SLC22A14: variants seen among roughly 807,000 people sequenced by gnomAD.
The protein encoded by SLC22A14 is organic cation transporter-like 4.
A neutral mutation model predicts 53.9 loss-of-function variants in SLC22A14; 50 were observed. The ratio of observed to expected loss-of-function variants is 0.93; its 90% CI spans 0.74 to 1.17. SLC22A14 has a LOEUF of 1.17. Among genes scored for constraint, SLC22A14 ranks in the 50% most tolerant of loss-of-function variants. SLC22A14 has a pLI of 0.00. For synonymous variants in SLC22A14, 312 were observed against 303.0 expected, an observed-to-expected ratio of 1.03 and a Z score of -0.31; for missense variants, 671 against 734.7, an observed-to-expected ratio of 0.91 and a Z score of 1.00.
At chr3:38,289,104 C>T (rs999848565) in intron 1 of SLC22A14, among the ~76,000 whole-genome samples, 10 of 137,352 alleles carry the variant, frequency 7.3e-5, no homozygotes, top group African/African-American at 1.9e-4. Context: ...CACCTAAGCC[C>T]GGGAGTTCAG....
Position 38,307,220 on chromosome 3 carries a change from G to C in SLC22A14, c.517-34G>C. Reference sequence around the variant, plus strand: ...TCTCAGTCTCTGGACCCAAAGGTGGGCACCCGTGGCCAATCTCTGTGTCTG... The same window carrying C: ...TCTCAGTCTCTGGACCCAAAGGTGGCCACCCGTGGCCAATCTCTGTGTCTG... On this transcript the variant is annotated intron_variant, in intron 2 of 10. Coordinates refer to ENST00000448498, the MANE Select transcript of SLC22A14 (RefSeq NM_001320033.2). The surrounding 1 kb of genome is among the most constrained non-coding windows in gnomAD (Gnocchi z 4.4). 6.7e-7 allele frequency: 1 copy of C among 1,483,528 alleles called. No individual in the cohort carries two copies. Among genetic ancestry groups the C allele is most frequent in the Non-Finnish European group, 9.4e-7 (1 of 1,060,868 alleles). The allele number at this position is 1,483,528 out of a possible 1,614,324, so 91.9% of individuals were successfully genotyped here.
At position 38,313,587 on chromosome 3, in the gene SLC22A14, A is replaced by G. The variant is rs1704534176; in HGVS notation, c.1163+102A>G. On this transcript the variant is annotated intron_variant, in intron 7 of 10. Coordinates refer to ENST00000448498, the MANE Select transcript of SLC22A14 (RefSeq NM_001320033.2). ...GTCAGGCTGCAGGGGAGGCAGCCCA[A>G]GGACACAGATCACAGGTCTCTGTGC... 7.1e-6 allele frequency: 7 copies of G among 992,192 alleles called. No homozygotes were observed. In the African/African-American group the frequency reaches 8.0e-5, roughly 11 times the overall value. 61.5% of individuals were successfully genotyped at this position (992,192 alleles called of 1,614,324 possible). A position where few individuals can be genotyped will look rare whatever the true frequency, so the allele number is the denominator to read the frequency against.
chr3:38,298,227 T>G lies in SLC22A14; in HGVS notation c.1-7800T>G, dbSNP rs117482607. ...CCATCATTTTAGGGTGCTTTCTTGC[T>G]TTCTGGCACCACAAGATATTTTATA... On this transcript the variant is annotated intron_variant, in intron 1 of 10. Coordinates refer to ENST00000448498, the MANE Select transcript of SLC22A14 (RefSeq NM_001320033.2). Among the ~76,000 whole-genome samples, 141 of 152,280 alleles carry G rather than the reference T, an allele frequency of 9.3e-4. No individual in the cohort carries two copies. In the East Asian group the frequency reaches 0.022, roughly 24 times the overall value.
chr3:38,282,691 G>A (rs1388002128), intron 1 of SLC22A14, among the ~76,000 whole-genome samples: 1 of 152,164 alleles, frequency 6.6e-6, no homozygotes, highest in South Asian at 2.1e-4. Flanking sequence ...TAGAGGGAGT[G>A]AGTGCTCCAG....
chr3:38,279,750 T>C (rs1703626478), upstream of SLC22A14, among the ~76,000 whole-genome samples: 3 of 152,262 alleles, frequency 2.0e-5, 1 homozygote, highest in South Asian at 6.2e-4. Flanking sequence ...TCTGGGACTC[T>C]GAAGGAGAAG....
intron 1 of SLC22A14, among the ~76,000 whole-genome samples, chr3:38,294,823 G>A (rs539379388): frequency 6.6e-6 from 1 of 152,192 alleles, no homozygotes; most frequent in East Asian, 1.9e-4. Context: ...GCTCAGGGGT[G>A]AGTCCTAGAG....
chr3:38,299,391 A>AT (rs899350853), intron 1 of SLC22A14, among the ~76,000 whole-genome samples: 2 of 151,910 alleles, frequency 1.3e-5, no homozygotes, highest in Admixed American at 1.3e-4. Flanking sequence ...ATCCTCCTGT[A>AT]TTTTTTTCAC....
chr3:38,281,046 G>C (rs1007047512), upstream of SLC22A14, among the ~76,000 whole-genome samples: 5 of 152,178 alleles, frequency 3.3e-5, no homozygotes, highest in Non-Finnish European at 7.3e-5. Flanking sequence ...TGGTCCCTTT[G>C]ACCCCCAGAG....
At chr3:38,313,248 A>G (rs1704522915) in intron 6 of SLC22A14, 129 bp downstream of exon 6, 1 of 1,454,188 alleles carries the variant, frequency 6.9e-7, no homozygotes, top group Non-Finnish European at 9.6e-7. Flanking sequence ...GACAATGGTG[A>G]CAGCAAAATT....
At chr3:38,284,678 A>C (rs1036005113) in intron 1 of SLC22A14, among the ~76,000 whole-genome samples, 1 of 152,132 alleles carries the variant, frequency 6.6e-6, no homozygotes, top group Non-Finnish European at 1.5e-5. Context: ...GAGCGTAGGA[A>C]ATGTGAGAAT....
chr3:38,306,006 C>T, intron 1 of SLC22A14, 21 bp from the exon 2 acceptor site: 1 of 1,593,062 alleles, frequency 6.3e-7, no homozygotes, highest in Non-Finnish European at 8.6e-7. Context: ...AGAGACTGAG[C>T]TGCACCCTTT....
At position 38,318,522 on chromosome 3, in the gene SLC22A14, T is replaced by C; in HGVS notation, c.*273T>C. The C allele has an allele frequency of 2.4e-6, 1 of 418,112 alleles. No homozygotes were observed. The highest frequency in any genetic ancestry group is 3.9e-5 in the South Asian group (1 of 25,422). The allele number at this position is 418,112 out of a possible 1,614,324, so 25.9% of individuals were successfully genotyped here. ...GACATTAAAAAAAATGCCCCCTCCT[T>C]CTGCAGGAGCTCTGCTGTGATTCAT... On this transcript the variant is annotated 3_prime_UTR_variant, in exon 11 of 11. Coordinates refer to ENST00000448498, the MANE Select transcript of SLC22A14 (RefSeq NM_001320033.2).
chr3:38,318,103 A>T, intron 10 of SLC22A14, 95 bp from the exon 11 acceptor site: 2 of 1,144,032 alleles, frequency 1.7e-6, no homozygotes, highest in Admixed American at 3.5e-5. Context: ...CCTCTTGGGA[A>T]CGCAGGGTTG....
chr3:38,301,256 C>A (rs1704153949), intron 1 of SLC22A14, among the ~76,000 whole-genome samples: 1 of 152,216 alleles, frequency 6.6e-6, no homozygotes, highest in South Asian at 2.1e-4. Context: ...TTAACTCGTT[C>A]TTTCATATCA....
At position 38,316,490 on chromosome 3, in the gene SLC22A14, C is replaced by T; in HGVS notation, c.1699C>T (p.Leu567Phe). The change falls in exon 10 of 11, where the codon CTC (leucine) becomes TTC (phenylalanine). Residue 567 changes from leucine (L) to phenylalanine (F), a missense_variant. Physicochemically the swap from Leu to Phe is conservative, Grantham distance 22. Coordinates refer to ENST00000448498, the MANE Select transcript of SLC22A14 (RefSeq NM_001320033.2). ...SLLPETRDQPLSESLNHSSQI... is the reference protein window; with the variant it reads ...SLLPETRDQPFSESLNHSSQI... ...GCTGCCGGAAACGCGAGATCAGCCC[C>T]TCTCCGAGAGCCTGAACCACTCCTC... 1 of 1,614,148 alleles carries T rather than the reference C, an allele frequency of 6.2e-7. No individual in the cohort carries two copies. The highest frequency in any genetic ancestry group is 8.5e-7 in the Non-Finnish European group (1 of 1,179,982).
chr3:38,315,604 G>A lies in SLC22A14; in HGVS notation c.1425G>A (p.Glu475=). 6.2e-7 allele frequency: 1 copy of A among 1,614,166 alleles called. No individual in the cohort carries two copies. The highest frequency in any genetic ancestry group is 2.2e-5 in the East Asian group (1 of 44,874). ...RLKWPRCPAT[E]LKSMTILVLM... Reference sequence around the variant, plus strand: ...AGTGGCCACGTTGTCCGGCCACAGAGCTGAAATCCATGACGATCTTGGTGC... The same window carrying A: ...AGTGGCCACGTTGTCCGGCCACAGAACTGAAATCCATGACGATCTTGGTGC... The change falls in exon 9 of 11, where the codon GAG becomes GAA. Residue 475 remains glutamate, a synonymous_variant. Transcript: ENST00000448498.
intron 1 of SLC22A14, among the ~76,000 whole-genome samples, chr3:38,288,669 T>C (rs892575783): frequency 3.3e-5 from 5 of 152,182 alleles, no homozygotes; most frequent in Non-Finnish European, 5.9e-5. Flanking sequence ...CTAATCTATA[T>C]TTCAATATTA....
intron 9 of SLC22A14, 106 bp downstream of exon 9, chr3:38,315,817 G>A: frequency 1.7e-6 from 2 of 1,169,352 alleles, no homozygotes; most frequent in East Asian, 4.7e-5. Context: ...GACAAGCACT[G>A]TGCTAAACAG....
chr3:38,305,067 A>G (rs1291472254), intron 1 of SLC22A14: 1 of 152,292 alleles, frequency 6.6e-6, no homozygotes, highest in East Asian at 1.9e-4. Flanking sequence ...AAAGTTCATA[A>G]TCTTCCTTCC....
Sources: allele counts gnomAD v4.1 joint callset (sites outside exome capture counted in the v4.1 genomes callset), GRCh38; gene constraint gnomAD v4.1.1; non-coding constraint Gnocchi (gnomAD v3.1); transcripts MANE v1.5; gene names NCBI Gene and HGNC (gene_info 2026-07-23, HGNC 2026-07-21).